CHSY1: variants seen among roughly 807,000 people sequenced by gnomAD.
CHSY1 encodes the protein N-acetylgalactosaminyl-proteoglycan 3-beta-glucuronosyltransferase 1.
CHSY1 carries 13 observed loss-of-function variants against 59.8 expected under a neutral mutation model. The observed-to-expected ratio is 0.22, with a 90% CI of 0.14 to 0.35. The LOEUF (loss-of-function observed/expected upper bound fraction) is 0.35, where lower values mean the gene tolerates loss of function less well. CHSY1 is among the 10% of genes least tolerant of loss of function. The probability of loss-of-function intolerance (pLI) is 1.00; values close to 1 mark genes in which losing one functional copy is unlikely to be tolerated. For missense variants in CHSY1, 947 were observed against 1,030.6 expected, an observed-to-expected ratio of 0.92 and a Z score of 1.11; for synonymous variants, 459 against 401.2, an observed-to-expected ratio of 1.14 and a Z score of -1.72.
chr15:101,241,828 C>G (rs1192091563), intron 1 of CHSY1, among the ~76,000 whole-genome samples: 5 of 152,144 alleles, frequency 3.3e-5, no homozygotes, highest in African/African-American at 1.2e-4. Flanking sequence ...AGGGTATATA[C>G]AGCTGTTCCT....
At chr15:101,239,472 G>C (rs1408483468) in intron 1 of CHSY1, among the ~76,000 whole-genome samples, 1 of 152,218 alleles carries the variant, frequency 6.6e-6, no homozygotes, top group African/African-American at 2.4e-5. Context: ...AGCTCCACTT[G>C]GGACAAGTTA....
In CHSY1 at chr15:101,176,075, T is replaced by C. The variant is rs2038183708; in HGVS notation, c.*1313A>G. 2 of 394,096 alleles carry C rather than the reference T, an allele frequency of 5.1e-6. No homozygotes were observed. Among genetic ancestry groups the C allele is most frequent in the Non-Finnish European group, 8.9e-6 (2 of 223,748 alleles). The allele number at this position is 394,096 out of a possible 1,614,324, so 24.4% of individuals were successfully genotyped here. The stretch of plus-strand genomic sequence containing the variant: ...ATATTTAGTAAAACAGTAAGGAATA[T>C]AAAAATTAAGGAGGGGAAAAAGCGT... On this transcript the variant is annotated 3_prime_UTR_variant, in exon 3 of 3. Coordinates refer to ENST00000254190, the MANE Select transcript of CHSY1 (RefSeq NM_014918.5).
Position 101,177,441 on chromosome 15 carries a change from C to A in CHSY1, c.2356G>T (p.Asp786Tyr), listed in dbSNP as rs1351224385. 6.8e-6 allele frequency: 11 copies of A among 1,613,566 alleles called. No individual in the cohort carries two copies. The highest frequency in any genetic ancestry group is 9.3e-6 in the Non-Finnish European group (11 of 1,179,832). ...QLAEMWLEKN[D>Y]PSYSKSSNNN... ...TTGCTGCTTTTACTGTAACTTGGAT[C>A]ATTTTTTTCCAGCCACATCTCAGCC... Residue 786 changes from aspartate to tyrosine, a missense_variant, in exon 3 of 3, where the codon GAT (aspartate) becomes TAT (tyrosine). By Grantham distance (160) the Asp-to-Tyr change is radical (BLOSUM62 -3). Transcript: ENST00000254190.
intron 2 of CHSY1, among the ~76,000 whole-genome samples, chr15:101,233,422 G>A (rs2038910460): frequency 6.6e-6 from 1 of 152,184 alleles, no homozygotes; most frequent in South Asian, 2.1e-4. Flanking sequence ...ATGGTCAGGG[G>A]AAAGTGTTCC....
At chr15:101,183,460 A>G (rs1371848503) in intron 2 of CHSY1, among the ~76,000 whole-genome samples, 1 of 152,228 alleles carries the variant, frequency 6.6e-6, no homozygotes, top group Non-Finnish European at 1.5e-5. Context: ...GAGGAGTGGA[A>G]AATTATTCTC....
At position 101,178,047 on chromosome 15, in the gene CHSY1, C is replaced by T; in HGVS notation, c.1750G>A (p.Val584Ile). ...ATGCGGTAATCTCTCATCAGTTCAA[C>T]TTGTTTGGCCTTGTCAGGGTTGGAG... ...SDSNPDKAKQVELMRDYRIKY... is the reference protein window; with the variant it reads ...SDSNPDKAKQIELMRDYRIKY... Residue 584 changes from valine to isoleucine, a missense_variant, in exon 3 of 3, where the codon GTT (valine) becomes ATT (isoleucine). Val to Ile is a conservative substitution (Grantham distance 29). Transcript: ENST00000254190. 2 of 1,614,188 alleles carry T rather than the reference C, an allele frequency of 1.2e-6. No individual in the cohort carries two copies. Among genetic ancestry groups the T allele is most frequent in the Non-Finnish European group, 1.7e-6 (2 of 1,180,034 alleles).
chr15:101,233,806 G>A (rs1445065207), intron 2 of CHSY1, among the ~76,000 whole-genome samples: 2 of 152,210 alleles, frequency 1.3e-5, no homozygotes, highest in African/African-American at 4.8e-5. Context: ...AAAAGTAAGA[G>A]TGATTAGCAG....
intron 2 of CHSY1, among the ~76,000 whole-genome samples, chr15:101,217,717 G>T (rs1226357226): frequency 6.6e-6 from 1 of 152,146 alleles, no homozygotes; most frequent in South Asian, 2.1e-4. Flanking sequence ...ATATAAATAC[G>T]CATGGGGCCA....
chr15:101,196,818 G>A (rs529295790), intron 2 of CHSY1, among the ~76,000 whole-genome samples: 5 of 152,156 alleles, frequency 3.3e-5, no homozygotes, highest in Admixed American at 3.3e-4. Context: ...GAGCTCAGGA[G>A]CTCGAGGACA....
At chr15:101,217,011 G>A (rs1237875821) in intron 2 of CHSY1, among the ~76,000 whole-genome samples, 1 of 152,192 alleles carries the variant, frequency 6.6e-6, no homozygotes, top group Admixed American at 6.5e-5. Flanking sequence ...AGAAGGTGCT[G>A]ACCTAAGTAA....
chr15:101,237,758 T>C (rs1335175673), intron 1 of CHSY1, among the ~76,000 whole-genome samples: 2 of 152,356 alleles, frequency 1.3e-5, no homozygotes, highest in East Asian at 3.9e-4. Flanking sequence ...AGATCTAAAG[T>C]TGTTTGGCTA....
intron 2 of CHSY1, among the ~76,000 whole-genome samples, chr15:101,215,684 G>A (rs2038725389): frequency 6.6e-6 from 1 of 152,252 alleles, no homozygotes; most frequent in Non-Finnish European, 1.5e-5. Flanking sequence ...GCAGTGAGCT[G>A]AGACTGCACC....
chr15:101,205,096 T>C (rs1198007902), intron 2 of CHSY1, among the ~76,000 whole-genome samples: 1 of 152,248 alleles, frequency 6.6e-6, no homozygotes, highest in Non-Finnish European at 1.5e-5. Flanking sequence ...CAAGAAGTTT[T>C]TCCTCTGTAA....
intron 1 of CHSY1, among the ~76,000 whole-genome samples, chr15:101,243,566 C>T (rs116201111): frequency 0.01 from 1,569 of 152,288 alleles, 26 homozygotes; most frequent in African/African-American, 0.035. Context: ...CCCACACACG[C>T]GCCTCCCAGG....
intron 2 of CHSY1, among the ~76,000 whole-genome samples, chr15:101,222,500 C>A (rs1339789694): frequency 6.6e-6 from 1 of 152,194 alleles, no homozygotes. Context: ...ACCTAGAGTG[C>A]AGACTTTATT....
chr15:101,243,790 T>C (rs931289981), intron 1 of CHSY1, among the ~76,000 whole-genome samples: 2 of 152,216 alleles, frequency 1.3e-5, no homozygotes, highest in Admixed American at 6.5e-5. Flanking sequence ...GCCAGACAAC[T>C]TGATTCCAGT....
intron 2 of CHSY1, among the ~76,000 whole-genome samples, chr15:101,187,121 A>T (rs1305600327): frequency 6.6e-6 from 1 of 152,232 alleles, no homozygotes; most frequent in Non-Finnish European, 1.5e-5. Flanking sequence ...ATTAGTTATA[A>T]ATACGAGATT....
At position 101,251,311 on chromosome 15, in the gene CHSY1, C is replaced by T. The variant is rs965326152; in HGVS notation, c.146G>A (p.Arg49Gln). Reference sequence around the variant, plus strand: ...CTGGGAAGCCGCCGCCTGCCCGGACCGGCAGCCCTCGGGGCTGGCGCGGCG... The same window carrying T: ...CTGGGAAGCCGCCGCCTGCCCGGACTGGCAGCCCTCGGGGCTGGCGCGGCG... ...PRRRASPEGC[R>Q]SGQAAASQAG... Residue 49 changes from arginine (R) to glutamine (Q), a missense_variant, in exon 1 of 3, where the codon CGG becomes CAG. Physicochemically the swap from Arg to Gln is conservative, Grantham distance 43. Transcript: ENST00000254190. 6 of 1,137,380 alleles carry T rather than the reference C, an allele frequency of 5.3e-6. No homozygotes were observed. The highest frequency in any genetic ancestry group is 3.0e-5 in the South Asian group (1 of 33,280). The allele number at this position is 1,137,380 out of a possible 1,614,324, so 70.5% of individuals were successfully genotyped here. A position where few individuals can be genotyped will look rare whatever the true frequency, so the allele number is the denominator to read the frequency against.
chr15:101,244,294 T>G (rs2039030507), intron 1 of CHSY1, among the ~76,000 whole-genome samples: 1 of 152,132 alleles, frequency 6.6e-6, no homozygotes. Flanking sequence ...CACCAGATCC[T>G]CCCCAATGTC....
Sources: allele counts gnomAD v4.1 joint callset (sites outside exome capture counted in the v4.1 genomes callset), GRCh38; gene constraint gnomAD v4.1.1; transcripts MANE v1.5; gene names NCBI Gene and HGNC (gene_info 2026-07-23, HGNC 2026-07-21).